The following CA8 variants were observed in gnomAD, a reference collection of about 807,000 sequenced individuals.
The protein encoded by CA8 is carbonic anhydrase 8 (inactive).
Under a neutral mutation model 41.4 loss-of-function variants are expected in CA8, and 22 were observed. The ratio of observed to expected loss-of-function variants is 0.53; its 90% confidence interval spans 0.38 to 0.76. The LOEUF is 0.76. Among genes scored for constraint, CA8 ranks in the 30% least tolerant of loss-of-function variants. The pLI is 0.00. For missense variants in CA8, 270 were observed against 352.8 expected (o/e 0.77, Z 1.88); for synonymous variants, 121 against 130.6 (o/e 0.93, Z 0.50).
chr8:60,202,461 T>C (rs1232339729), intron 8 of CA8, among the ~76,000 whole-genome samples: 1 of 152,198 alleles, frequency 6.6e-6, no homozygotes, highest in Non-Finnish European at 1.5e-5. Flanking sequence ...TTCTTGGCAC[T>C]CTATGGCACA....
intron 8 of CA8, among the ~76,000 whole-genome samples, chr8:60,193,115 T>C (rs1806183376): frequency 6.6e-6 from 1 of 152,104 alleles, no homozygotes; most frequent in African/African-American, 2.4e-5. Flanking sequence ...CTACATGTGT[T>C]AATTTTTCTT....
chr8:60,281,119 G>A lies in CA8; in HGVS notation c.29C>T (p.Thr10Ile), dbSNP rs1418525630. 6.3e-7 allele frequency: 1 copy of A among 1,593,226 alleles called. No homozygotes were observed. The highest frequency in any genetic ancestry group is 1.3e-5 in the African/African-American group (1 of 74,220). The change falls in exon 1 of 9, where the codon ACC becomes ATC. Residue 10 changes from threonine to isoleucine, a missense_variant. Physicochemically the swap from Thr to Ile is moderately conservative, Grantham distance 89 (BLOSUM62 -1). Transcript: ENST00000317995. ...CTCTTCCTTCTCGGGGAAGGCGACGGTATCTTCGATGAAGCTCAGGTCCGC... is the reference window on the plus strand; with the variant it reads ...CTCTTCCTTCTCGGGGAAGGCGACGATATCTTCGATGAAGCTCAGGTCCGC... The part of the protein sequence containing the change: MADLSFIED[T>I]VAFPEKEEDE...
intron 2 of CA8, among the ~76,000 whole-genome samples, chr8:60,269,775 C>T (rs1007639415): frequency 6.6e-6 from 1 of 152,168 alleles, no homozygotes; most frequent in African/African-American, 2.4e-5. Context: ...AAGATCCAGC[C>T]TTGGTGTTGA....
intron 3 of CA8, among the ~76,000 whole-genome samples, chr8:60,234,103 A>G (rs1807748831): frequency 1.3e-5 from 2 of 152,198 alleles, no homozygotes; most frequent in African/African-American, 4.8e-5. Context: ...ATGTATCCCT[A>G]TATGTGATGA....
intron 7 of CA8, among the ~76,000 whole-genome samples, chr8:60,213,709 G>A (rs756992860): frequency 7.9e-5 from 12 of 151,536 alleles, no homozygotes; most frequent in African/African-American, 2.2e-4. Context: ...TATTTTGCAC[G>A]TATTGGGTTA....
chr8:60,224,149 T>TCGGCTCA (rs780757716), intron 6 of CA8, among the ~76,000 whole-genome samples: 2 of 152,194 alleles, frequency 1.3e-5, no homozygotes, highest in Non-Finnish European at 2.9e-5. Context: ...TCACGTAATC[T>TCGGCTCA]CGGCTCACTG....
intron 3 of CA8, among the ~76,000 whole-genome samples, chr8:60,251,559 G>A (rs1389268983): frequency 6.6e-6 from 1 of 152,182 alleles, no homozygotes; most frequent in Non-Finnish European, 1.5e-5. Flanking sequence ...TGAGCCTCAT[G>A]CTCAAAATCG....
chr8:60,230,321 A>G (rs1244237793), intron 4 of CA8, among the ~76,000 whole-genome samples: 1 of 151,636 alleles, frequency 6.6e-6, no homozygotes, highest in Non-Finnish European at 1.5e-5. Context: ...CATCAGTGAC[A>G]CCCTCTCTTT....
chr8:60,203,707 T>C (rs891854895), intron 8 of CA8, among the ~76,000 whole-genome samples: 1 of 152,184 alleles, frequency 6.6e-6, no homozygotes, highest in Non-Finnish European at 1.5e-5. Flanking sequence ...GATTAAAGTA[T>C]AGGTGATTTC....
chr8:60,270,035 G>A (rs958962022), intron 2 of CA8, among the ~76,000 whole-genome samples: 4 of 152,208 alleles, frequency 2.6e-5, no homozygotes, highest in African/African-American at 9.6e-5. Flanking sequence ...CAGCTTAAGA[G>A]TGTTCTAGGA....
chr8:60,231,727 C>T (rs1807653495), intron 4 of CA8, among the ~76,000 whole-genome samples: 1 of 152,100 alleles, frequency 6.6e-6, no homozygotes, highest in Non-Finnish European at 1.5e-5. Flanking sequence ...AGCACGTGGC[C>T]TGCTTTCATA....
intron 3 of CA8, among the ~76,000 whole-genome samples, chr8:60,255,030 G>A (rs1406377054): frequency 2.0e-5 from 3 of 152,278 alleles, no homozygotes; most frequent in Non-Finnish European, 4.4e-5. Context: ...AGCTTTAAAG[G>A]GTAAGTGGGG....
intron 8 of CA8, among the ~76,000 whole-genome samples, chr8:60,203,215 C>A (rs1400587056): frequency 1.3e-5 from 2 of 151,466 alleles, no homozygotes; most frequent in African/African-American, 4.9e-5. Flanking sequence ...TAGGAGTGAC[C>A]CAAAAAAGGC....
chr8:60,266,113 G>A lies in CA8; in HGVS notation c.293-64C>T, dbSNP rs113930494. 2,515 of 1,494,520 alleles carry A rather than the reference G, an allele frequency of 1.7e-3. 19 individuals carry two copies. In the Middle Eastern group the frequency reaches 0.024, roughly 14 times the overall value. 92.6% of individuals were successfully genotyped at this position (1,494,520 alleles called of 1,614,324 possible). On this transcript the variant is annotated intron_variant, in intron 2 of 8. Coordinates refer to ENST00000317995, the MANE Select transcript of CA8 (RefSeq NM_004056.6). ...ATTTACCTCAGCATTATAAACATTA[G>A]AGACTTTTTTTTTTTCCACCAAAAT...
intron 3 of CA8, among the ~76,000 whole-genome samples, chr8:60,255,334 C>A (rs752224266): frequency 2.0e-5 from 3 of 148,260 alleles, no homozygotes; most frequent in Admixed American, 6.8e-5. Context: ...ATCGTTCTGG[C>A]CACAATAGAG....
At chr8:60,241,695 ATTCTTCAACACTGGT>A (rs1485698872) in intron 3 of CA8, among the ~76,000 whole-genome samples, 1 of 152,032 alleles carries the variant, frequency 6.6e-6, no homozygotes, top group Non-Finnish European at 1.5e-5. Flanking sequence ...ATTAAAACTC[ATTCTTCAACACTGGT>A]TTCTTGATTT....
intron 8 of CA8, among the ~76,000 whole-genome samples, chr8:60,196,930 G>A (rs9657069): frequency 0.44 from 67,440 of 151,866 alleles, 15,572 homozygotes; most frequent in African/African-American, 0.57. Context: ...GAATAGGGAA[G>A]TCAAGAATAG....
chr8:60,219,023 G>C (rs544948155), intron 7 of CA8, among the ~76,000 whole-genome samples: 1 of 152,092 alleles, frequency 6.6e-6, no homozygotes, highest in East Asian at 1.9e-4. Flanking sequence ...TACCAGTTTA[G>C]AAGAGTCTTA....
intron 2 of CA8, among the ~76,000 whole-genome samples, chr8:60,277,295 G>C (rs1804271256): frequency 6.6e-6 from 1 of 151,990 alleles, no homozygotes; most frequent in African/African-American, 2.4e-5. Context: ...AGCAGCCGTA[G>C]GTGGGGAAGA....
Sources: allele counts gnomAD v4.1 joint callset (sites outside exome capture counted in the v4.1 genomes callset), GRCh38; gene constraint gnomAD v4.1.1; transcripts MANE v1.5; gene names NCBI Gene and HGNC (gene_info 2026-07-23, HGNC 2026-07-21).